NEK10: variants seen among roughly 807,000 people sequenced by gnomAD.
The protein encoded by NEK10 is NIMA related kinase 10, also known as serine/threonine-protein kinase Nek10.
Under a neutral mutation model 159.8 loss-of-function variants are expected in NEK10, and 122 were observed. The ratio of observed to expected loss-of-function variants is 0.76; its 90% CI spans 0.66 to 0.89. The LOEUF is 0.89. NEK10 is among the 40% of genes least tolerant of loss of function. The pLI, the probability that NEK10 is intolerant of heterozygous loss-of-function variation, is 0.00. For missense variants in NEK10, 1,342 were observed against 1,323.1 expected (o/e 1.01, Z -0.22); for synonymous variants, 466 against 457.1 (o/e 1.02, Z -0.25).
intron 20 of NEK10, among the ~76,000 whole-genome samples, chr3:27,287,348 T>A (rs1026439584): frequency 1.3e-5 from 2 of 152,188 alleles, no homozygotes; most frequent in African/African-American, 4.8e-5. Context: ...AAATGACACC[T>A]GAGTCAACAA....
At chr3:27,136,795 G>A (rs1006931412) in intron 31 of NEK10, among the ~76,000 whole-genome samples, 1 of 152,154 alleles carries the variant, frequency 6.6e-6, no homozygotes, top group Non-Finnish European at 1.5e-5. Context: ...CCATGGAAAC[G>A]AGACAGAAAA....
chr3:27,314,681 G>A (rs9857410), intron 6 of NEK10, among the ~76,000 whole-genome samples: 7,019 of 152,136 alleles, frequency 0.046, 287 homozygotes, highest in African/African-American at 0.11. Flanking sequence ...TTACAGATGA[G>A]GAAAACCAAG....
At chr3:27,233,726 T>C (rs967747133) in intron 23 of NEK10, among the ~76,000 whole-genome samples, 5 of 152,080 alleles carry the variant, frequency 3.3e-5, no homozygotes, top group Non-Finnish European at 7.4e-5. Context: ...CTGAAACTAT[T>C]CCAAAAAATT....
chr3:27,260,261 A>C (rs1482832554), intron 22 of NEK10, among the ~76,000 whole-genome samples: 1 of 152,122 alleles, frequency 6.6e-6, no homozygotes. Context: ...ACTATGTTGA[A>C]TAGGAGTGGT....
chr3:27,305,972 T>G (rs2044215088), intron 11 of NEK10, among the ~76,000 whole-genome samples: 1 of 152,182 alleles, frequency 6.6e-6, no homozygotes, highest in African/African-American at 2.4e-5. Context: ...TGCTCCTAAC[T>G]TCCAGAAGTT....
chr3:27,187,951 T>C (rs1278728884), intron 26 of NEK10, among the ~76,000 whole-genome samples: 5 of 152,126 alleles, frequency 3.3e-5, no homozygotes, highest in Non-Finnish European at 7.4e-5. Context: ...CATATAAAAA[T>C]ATGCATTGTC....
chr3:27,106,925 A>G lies in NEK10; in HGVS notation c.*4347T>C, dbSNP rs1456652188. ...ATTTAAACAGTCACGTACTTCTGTT[A>G]TCGCTAAATACAGTAGCTGGGGCCA... On this transcript the variant is annotated 3_prime_UTR_variant, in exon 36 of 36. Coordinates refer to ENST00000691995, the MANE Select transcript of NEK10 (RefSeq NM_001394966.1). Among the ~76,000 whole-genome samples, 3 of 152,214 alleles carry G rather than the reference A, an allele frequency of 2.0e-5. No homozygotes were observed. Among genetic ancestry groups the G allele is most frequent in the Admixed American group, 6.5e-5 (1 of 15,276 alleles).
At chr3:27,139,691 T>G (rs1021845594) in intron 31 of NEK10, among the ~76,000 whole-genome samples, 1 of 152,124 alleles carries the variant, frequency 6.6e-6, no homozygotes, top group Admixed American at 6.5e-5. Context: ...GAGTAAAACT[T>G]GTACTTAACC....
chr3:27,213,374 C>T (rs1332227258), intron 23 of NEK10, among the ~76,000 whole-genome samples: 3 of 152,196 alleles, frequency 2.0e-5, no homozygotes, highest in Admixed American at 6.5e-5. Context: ...GTACCTCTGA[C>T]ATGACAACAA....
chr3:27,186,301 T>A (rs1230150272), intron 26 of NEK10, among the ~76,000 whole-genome samples: 1 of 152,204 alleles, frequency 6.6e-6, no homozygotes, highest in East Asian at 1.9e-4. Context: ...AAGACCAGTT[T>A]ATGAGGCTGA....
chr3:27,323,324 G>A (rs2045781568), intron 5 of NEK10, among the ~76,000 whole-genome samples: 1 of 152,194 alleles, frequency 6.6e-6, no homozygotes. Flanking sequence ...CTGCAGGAGG[G>A]ACTGATGGAG....
intron 22 of NEK10, among the ~76,000 whole-genome samples, chr3:27,257,565 A>C (rs550441812): frequency 6.6e-6 from 1 of 152,286 alleles, no homozygotes; most frequent in African/African-American, 2.4e-5. Context: ...ACGTTTACTA[A>C]ACAACAAGTT....
At chr3:27,201,876 C>T (rs1478217660) in intron 24 of NEK10, among the ~76,000 whole-genome samples, 2 of 152,054 alleles carry the variant, frequency 1.3e-5, no homozygotes, top group Non-Finnish European at 2.9e-5. Context: ...AATAAAAGAC[C>T]AGCTGGGCGC....
At chr3:27,337,598 AAACAT>A (rs1385523239) in intron 5 of NEK10, among the ~76,000 whole-genome samples, 1 of 152,206 alleles carries the variant, frequency 6.6e-6, no homozygotes, top group Non-Finnish European at 1.5e-5. Context: ...GTATAAAACC[AAACAT>A]ATAGACTGAT....
chr3:27,313,100 CAA>C lies in NEK10; in HGVS notation c.490-925_490-924del, dbSNP rs56742417. Among the ~76,000 whole-genome samples, 275 of 114,028 alleles carry C rather than the reference CAA, an allele frequency of 2.4e-3. 5 individuals carry two copies. The highest frequency in any genetic ancestry group is 0.017 in the Admixed American group (193 of 11,194). The allele number at this position is 114,028 out of a possible 152,430, so 74.8% of individuals were successfully genotyped here. ...TGTAACCCTGTCTCTACTAAAAATACAAAAAAAAAAAAAAATGATCCGGGCAT... is the reference window on the plus strand; with the variant it reads ...TGTAACCCTGTCTCTACTAAAAATACAAAAAAAAAAAAATGATCCGGGCAT... On this transcript the variant is annotated intron_variant, in intron 7 of 35. Transcript: ENST00000691995.
intron 22 of NEK10, among the ~76,000 whole-genome samples, chr3:27,270,780 A>T (rs1270137126): frequency 1.3e-5 from 2 of 152,174 alleles, no homozygotes; most frequent in Non-Finnish European, 2.9e-5. Flanking sequence ...CTCTACAAAG[A>T]CGTTTGATAA....
intron 1 of NEK10, among the ~76,000 whole-genome samples, chr3:27,368,332 T>TAC (rs1189869006): frequency 5.9e-5 from 8 of 135,562 alleles, no homozygotes; most frequent in East Asian, 3.9e-4. Context: ...TATATATATA[T>TAC]ACACATATAT....
At chr3:27,135,674 A>G (rs1274078225) in intron 31 of NEK10, among the ~76,000 whole-genome samples, 2 of 152,254 alleles carry the variant, frequency 1.3e-5, no homozygotes, top group South Asian at 2.1e-4. Context: ...TTTTTTAAAA[A>G]GTTATTTTGA....
intron 22 of NEK10, among the ~76,000 whole-genome samples, chr3:27,281,291 T>C (rs1460243436): frequency 1.3e-5 from 2 of 151,966 alleles, no homozygotes; most frequent in Non-Finnish European, 2.9e-5. Context: ...GAAGAAATAA[T>C]GCAGGAAAAC....
Sources: allele counts gnomAD v4.1 joint callset (sites outside exome capture counted in the v4.1 genomes callset), GRCh38; gene constraint gnomAD v4.1.1; transcripts MANE v1.5; gene names NCBI Gene and HGNC (gene_info 2026-07-23, HGNC 2026-07-21).